The following CLIP4 variants were observed in gnomAD, a reference collection of about 807,000 sequenced individuals.
CLIP4 encodes the protein CAP-Gly domain-containing linker protein 4.
A neutral mutation model predicts 73.1 loss-of-function variants in CLIP4; 47 were observed. That is an observed-to-expected ratio of 0.64 (90% CI 0.51 to 0.82). CLIP4 has a LOEUF of 0.82. Among genes scored for constraint, CLIP4 ranks in the 40% least tolerant of loss-of-function variants. The pLI is 0.00. For synonymous variants in CLIP4, 306 were observed against 295.4 expected (o/e 1.04, Z -0.37); for missense variants, 874 against 852.9 (o/e 1.02, Z -0.31).
chr2:29,110,320 A>G lies in CLIP4; in HGVS notation c.-15-11054A>G, dbSNP rs144726936. Among the ~76,000 whole-genome samples, 291 of 152,316 alleles carry G rather than the reference A, an allele frequency of 1.9e-3. 1 individual carries two copies. Among genetic ancestry groups the G allele is most frequent in the African/African-American group, 6.4e-3 (266 of 41,570 alleles). On this transcript the variant is annotated intron_variant, in intron 1 of 14. Coordinates refer to the CLIP4 transcript ENST00000401605. Reference sequence around the variant, plus strand: ...AGATGGATTAGAGGAGGGCAAGCCCAGGTAGAAGCAGTAGGAGGTTCCTGG... The same window carrying G: ...AGATGGATTAGAGGAGGGCAAGCCCGGGTAGAAGCAGTAGGAGGTTCCTGG...
At chr2:29,124,104 G>A (rs1370290610) in intron 2 of CLIP4, among the ~76,000 whole-genome samples, 3 of 152,136 alleles carry the variant, frequency 2.0e-5, no homozygotes, top group Non-Finnish European at 4.4e-5. Flanking sequence ...TCCTTTGTGA[G>A]TGTAGGTCCA....
At chr2:29,150,136 A>G (rs567570090) in intron 8 of CLIP4, among the ~76,000 whole-genome samples, 2 of 152,314 alleles carry the variant, frequency 1.3e-5, no homozygotes, top group South Asian at 2.1e-4. Context: ...ATCCTAGGCA[A>G]TTCCACCCAG....
chr2:29,106,971 A>G (rs552321358), intron 1 of CLIP4, among the ~76,000 whole-genome samples: 7 of 152,298 alleles, frequency 4.6e-5, no homozygotes, highest in East Asian at 3.9e-4. Context: ...TAGGTGGGGA[A>G]TGTCAGGAAC....
At chr2:29,109,834 G>C (rs1032688580) in intron 1 of CLIP4, among the ~76,000 whole-genome samples, 1 of 152,120 alleles carries the variant, frequency 6.6e-6, no homozygotes, top group Non-Finnish European at 1.5e-5. Context: ...GAGGTGGGTG[G>C]ATCAGTTGAG....
chr2:29,123,048 A>G (rs539255575), intron 2 of CLIP4, among the ~76,000 whole-genome samples: 3 of 152,302 alleles, frequency 2.0e-5, no homozygotes, highest in South Asian at 4.1e-4. Context: ...TTGTTTTCGT[A>G]TGTTGACTCA....
chr2:29,161,717 G>C (rs573424950), intron 12 of CLIP4, among the ~76,000 whole-genome samples: 1 of 152,276 alleles, frequency 6.6e-6, no homozygotes, highest in Admixed American at 6.5e-5. Context: ...TTCCAGGAGA[G>C]GACCCTAGAG....
chr2:29,107,589 T>G (rs1430851087), intron 1 of CLIP4, among the ~76,000 whole-genome samples: 1 of 151,974 alleles, frequency 6.6e-6, no homozygotes, highest in African/African-American at 2.4e-5. Flanking sequence ...TTGGTCAGGC[T>G]GGTCTGAAGC....
At chr2:29,156,135 A>G (rs1449294517) in intron 9 of CLIP4, among the ~76,000 whole-genome samples, 3 of 152,174 alleles carry the variant, frequency 2.0e-5, no homozygotes. Flanking sequence ...GATCATCTTG[A>G]TGAGACATTA....
rs1665955335 is a variant in CLIP4, at chr2:29,143,801, C to A, written c.741C>A (p.Ile247=). 6.2e-7 allele frequency: 1 copy of A among 1,614,102 alleles called. No individual in the cohort carries two copies. The highest frequency in any genetic ancestry group is 1.7e-5 in the Admixed American group (1 of 60,022). ...ACGCCGCAGCCACTGCTAAGGAAAT[C>A]AAGCAGATGCTTCTAGATGCGGTGC... ...MADAAATAKE[I]KQMLLDAVPL... is the part of the protein sequence containing the mutation. Residue 247 remains isoleucine (I), a synonymous_variant, in exon 7 of 16, where the codon ATC becomes ATA. Transcript: ENST00000320081.
chr2:29,160,300 C>T, intron 11 of CLIP4, 33 bp from the exon 12 acceptor site: 1 of 1,613,616 alleles, frequency 6.2e-7, no homozygotes, highest in Non-Finnish European at 8.5e-7. Flanking sequence ...TCTTTTCCTG[C>T]CCTGCCCCTG....
intron 3 of CLIP4, 157 bp downstream of exon 3, chr2:29,131,554 A>G: frequency 1.5e-6 from 1 of 676,814 alleles, no homozygotes; most frequent in Non-Finnish European, 2.3e-6. Context: ...CAGTGAGTTA[A>G]TACTATATAT....
In CLIP4 at chr2:29,131,302, C is replaced by G. The variant is rs1664951929; in HGVS notation, c.178C>G (p.Leu60Val). Residue 60 changes from leucine (L) to valine (V), a missense_variant, in exon 3 of 16, where the codon CTT (leucine) becomes GTT (valine). By Grantham distance (32) the Leu-to-Val change is conservative. Coordinates refer to ENST00000320081, the MANE Select transcript of CLIP4 (RefSeq NM_024692.6). ...TAATGATGCATCATGCCAGGAAATT[C>G]TTTTTGATCCCAAAACTTCAGTTTC... ...DPNDASCQEILFDPKTSVSEL... is the reference protein window; with the variant it reads ...DPNDASCQEIVFDPKTSVSEL... 6.2e-7 allele frequency: 1 copy of G among 1,610,032 alleles called. No homozygotes were observed. Among genetic ancestry groups the G allele is most frequent in the South Asian group, 1.1e-5 (1 of 89,750 alleles).
At chr2:29,152,607 G>T in intron 8 of CLIP4, 78 bp from the exon 9 acceptor site, 1 of 1,446,678 alleles carries the variant, frequency 6.9e-7, no homozygotes, top group Non-Finnish European at 9.4e-7. Flanking sequence ...AAAGATTTAT[G>T]TTACTAATTA....
intron 1 of CLIP4, among the ~76,000 whole-genome samples, chr2:29,116,203 A>G (rs773429400): frequency 1.3e-5 from 2 of 152,174 alleles, no homozygotes; most frequent in Non-Finnish European, 2.9e-5. Flanking sequence ...GGGGAAGTTG[A>G]AAGGAGCGCT....
At chr2:29,150,489 ACAAAT>A (rs1224866612) in intron 8 of CLIP4, among the ~76,000 whole-genome samples, 3 of 152,136 alleles carry the variant, frequency 2.0e-5, no homozygotes, top group South Asian at 2.1e-4. Flanking sequence ...CATTAATGAC[ACAAAT>A]CAAACAAATC....
chr2:29,167,005 C>G (rs570642533), intron 13 of CLIP4, among the ~76,000 whole-genome samples: 4 of 152,064 alleles, frequency 2.6e-5, no homozygotes, highest in Admixed American at 6.6e-5. Context: ...ATAATTGTGG[C>G]TTAGAGTCAA....
At position 29,101,275 on chromosome 2, in the gene CLIP4, CTT is replaced by C. The variant is rs1270982831; in HGVS notation, c.-16+3338_-16+3339del. Among the ~76,000 whole-genome samples the C allele has an allele frequency of 7.7e-3, 859 of 111,182 alleles. 15 individuals are homozygous for C. Among genetic ancestry groups the C allele is most frequent in the African/African-American group, 0.028 (831 of 29,968 alleles). 72.9% of individuals were successfully genotyped at this position (111,182 alleles called of 152,430 possible). On this transcript the variant is annotated intron_variant, in intron 1 of 14. Transcript: ENST00000401605. Reference sequence around the variant, plus strand: ...ACTGCACTCCAGCCTGGGCAACAGGCTTTTTTTTTTTCCCCCCCCCAAAACAA... The same window carrying C: ...ACTGCACTCCAGCCTGGGCAACAGGCTTTTTTTTTCCCCCCCCCAAAACAA...
At chr2:29,100,214 G>C (rs1209946370) in intron 1 of CLIP4, among the ~76,000 whole-genome samples, 3 of 152,016 alleles carry the variant, frequency 2.0e-5, no homozygotes, top group Non-Finnish European at 4.4e-5. Context: ...ACAGGCATGA[G>C]CCACCATGCC....
chr2:29,155,049 A>AG (rs1553374934), intron 9 of CLIP4, among the ~76,000 whole-genome samples: 1 of 152,244 alleles, frequency 6.6e-6, no homozygotes, highest in Non-Finnish European at 1.5e-5. Context: ...TCTTACAAGG[A>AG]AAAAGACAGT....
Sources: gnomAD v4.1 joint callset for allele counts (sites outside exome capture counted in the v4.1 genomes callset) on GRCh38, gnomAD v4.1.1 for gene constraint, MANE v1.5 for transcripts, NCBI Gene and HGNC (gene_info 2026-07-23, HGNC 2026-07-21) for gene names.